ARHGAP24: variants seen among roughly 807,000 people sequenced by gnomAD.
ARHGAP24 encodes the protein Rho GTPase activating protein 24.
Under a neutral mutation model 76.4 loss-of-function variants are expected in ARHGAP24, and 50 were observed. The ratio of observed to expected loss-of-function variants is 0.65; its 90% CI spans 0.52 to 0.83. The LOEUF (loss-of-function observed/expected upper bound fraction) is 0.83, where lower values mean the gene tolerates loss of function less well. ARHGAP24 is among the 40% of genes least tolerant of loss of function. ARHGAP24 has a pLI of 0.00. For missense variants in ARHGAP24, 930 were observed against 914.2 expected, an observed-to-expected ratio of 1.02 and a Z score of -0.22; for synonymous variants, 345 against 323.3, an observed-to-expected ratio of 1.07 and a Z score of -0.72.
intron 1 of ARHGAP24, among the ~76,000 whole-genome samples, chr4:85,550,561 CT>C (rs201795607): frequency 9.3e-5 from 14 of 151,158 alleles, no homozygotes; most frequent in African/African-American, 3.2e-4. Context: ...TTTTAAAAGT[CT>C]TTTTTTTTCC....
chr4:85,941,994 A>T, intron 4 of ARHGAP24, 72 bp from the exon 5 acceptor site: 3 of 1,482,630 alleles, frequency 2.0e-6, no homozygotes, highest in Non-Finnish European at 2.8e-6. Context: ...GTTATATTGA[A>T]TTAAAACAAC....
At chr4:85,981,568 T>C (rs959300563) in intron 8 of ARHGAP24, among the ~76,000 whole-genome samples, 1 of 152,212 alleles carries the variant, frequency 6.6e-6, no homozygotes. Flanking sequence ...TTCACAGAGC[T>C]CAATCTGTTT....
At chr4:85,679,657 C>T (rs766586519) in intron 2 of ARHGAP24, among the ~76,000 whole-genome samples, 2 of 152,090 alleles carry the variant, frequency 1.3e-5, no homozygotes, top group Non-Finnish European at 2.9e-5. Context: ...GATTTGACTG[C>T]CCTTCATCTT....
intron 2 of ARHGAP24, among the ~76,000 whole-genome samples, chr4:85,656,251 G>A (rs897879315): frequency 1.3e-5 from 2 of 152,078 alleles, no homozygotes; most frequent in African/African-American, 4.8e-5. Flanking sequence ...AAAACAATTT[G>A]TGGAACCACT....
intron 2 of ARHGAP24, among the ~76,000 whole-genome samples, chr4:85,637,606 A>C (rs532115320): frequency 4.6e-5 from 7 of 152,202 alleles, no homozygotes; most frequent in Middle Eastern, 3.4e-3. Context: ...ATATTGGTAA[A>C]AGATACTTGA....
At chr4:85,838,317 GC>G (rs1730404359) in intron 3 of ARHGAP24, among the ~76,000 whole-genome samples, 1 of 152,148 alleles carries the variant, frequency 6.6e-6, no homozygotes, top group Non-Finnish European at 1.5e-5. Context: ...GGCCAAAATA[GC>G]CGGGCACGGT....
intron 1 of ARHGAP24, among the ~76,000 whole-genome samples, chr4:85,498,271 C>A (rs1289648398): frequency 6.6e-6 from 1 of 152,148 alleles, no homozygotes; most frequent in East Asian, 1.9e-4. Flanking sequence ...GGGTTGGCTC[C>A]TAACATCAAA....
intron 2 of ARHGAP24, among the ~76,000 whole-genome samples, chr4:85,581,202 A>C (rs1390531276): frequency 6.6e-6 from 1 of 152,100 alleles, no homozygotes; most frequent in Non-Finnish European, 1.5e-5. Context: ...TAAAGTACTA[A>C]AATATAGCAT....
chr4:85,853,477 G>A (rs916375388), intron 3 of ARHGAP24, among the ~76,000 whole-genome samples: 3 of 152,126 alleles, frequency 2.0e-5, no homozygotes, highest in African/African-American at 7.2e-5. Flanking sequence ...CCTCTGTGGG[G>A]TGTACCCACT....
intron 5 of ARHGAP24, among the ~76,000 whole-genome samples, chr4:85,950,074 G>A (rs1198147574): frequency 6.6e-6 from 1 of 152,040 alleles, no homozygotes; most frequent in Non-Finnish European, 1.5e-5. Context: ...GTTGAGATTC[G>A]AATGACAAGA....
intron 3 of ARHGAP24, among the ~76,000 whole-genome samples, chr4:85,834,962 T>A (rs1233201762): frequency 6.6e-6 from 1 of 152,198 alleles, no homozygotes; most frequent in Middle Eastern, 3.2e-3. Context: ...AGAAGTGTAA[T>A]GACTAAGTAT....
intron 2 of ARHGAP24, among the ~76,000 whole-genome samples, chr4:85,681,268 A>G (rs139638216): frequency 5.9e-5 from 9 of 152,330 alleles, no homozygotes; most frequent in African/African-American, 2.2e-4. Context: ...AAGCAACTTG[A>G]CAATCCTATG....
chr4:85,830,393 C>T (rs1341651900), intron 3 of ARHGAP24, among the ~76,000 whole-genome samples: 2 of 152,184 alleles, frequency 1.3e-5, no homozygotes, highest in African/African-American at 4.8e-5. Context: ...TCCATCGTGC[C>T]TAGCATTTCT....
chr4:85,878,805 T>C (rs2148766019), intron 3 of ARHGAP24, among the ~76,000 whole-genome samples: 1 of 152,308 alleles, frequency 6.6e-6, no homozygotes, highest in South Asian at 2.1e-4. Context: ...TTATTAAGTT[T>C]GTCTTCTCCC....
chr4:85,523,647 C>T (rs974611994), intron 1 of ARHGAP24, among the ~76,000 whole-genome samples: 7 of 152,212 alleles, frequency 4.6e-5, no homozygotes, highest in Admixed American at 2.6e-4. Context: ...AGTGGAGTCA[C>T]AAATTGCTCT....
At chr4:85,922,655 A>G (rs1422669111) in intron 3 of ARHGAP24, among the ~76,000 whole-genome samples, 1 of 152,164 alleles carries the variant, frequency 6.6e-6, no homozygotes, top group Non-Finnish European at 1.5e-5. Flanking sequence ...ATTTTCAAAG[A>G]CAGTGAAGGG....
chr4:85,529,899 A>AT lies in ARHGAP24; in HGVS notation c.-20-40619dup, dbSNP rs1336967162. 6.7e-4 allele frequency among the ~76,000 whole-genome samples: 97 copies of AT among 145,102 alleles called. 1 individual carries two copies. The highest frequency in any genetic ancestry group is 2.6e-3 in the African/African-American group (91 of 34,840). The stretch of plus-strand genomic sequence containing the variant: ...TATTCAACCATGCAAATATTGTACT[A>AT]TTTTAAAAAAAACTCTTTTCATTTT... On this transcript the variant is annotated intron_variant, in intron 1 of 9. Coordinates refer to ENST00000395184, the MANE Select transcript of ARHGAP24 (RefSeq NM_001025616.3).
At chr4:85,825,498 C>G (rs181640028) in intron 3 of ARHGAP24, among the ~76,000 whole-genome samples, 1 of 152,226 alleles carries the variant, frequency 6.6e-6, no homozygotes, top group East Asian at 1.9e-4. Context: ...TCCTTAAGAG[C>G]ATTGTTAAAG....
At chr4:85,485,488 A>AT (rs1241805657) in intron 1 of ARHGAP24, among the ~76,000 whole-genome samples, 2 of 124,516 alleles carry the variant, frequency 1.6e-5, no homozygotes, top group South Asian at 2.8e-4. Flanking sequence ...GTCCTCCTTT[A>AT]TTTTTTGTTT....
Sources: gnomAD v4.1 joint callset for allele counts (sites outside exome capture counted in the v4.1 genomes callset) on GRCh38, gnomAD v4.1.1 for gene constraint, MANE v1.5 for transcripts, NCBI Gene and HGNC (gene_info 2026-07-23, HGNC 2026-07-21) for gene names.